The following UBE2Q2 variants were observed in gnomAD, a reference collection of about 807,000 sequenced individuals.
The protein encoded by UBE2Q2 is ubiquitin conjugating enzyme E2 Q2, also known as ubiquitin-conjugating enzyme E2 Q2.
UBE2Q2 carries 54 observed loss-of-function variants against 59.9 expected under a neutral mutation model. The ratio of observed to expected loss-of-function variants is 0.90; its 90% CI spans 0.72 to 1.13. The LOEUF (loss-of-function observed/expected upper bound fraction) is 1.13, where lower values mean the gene tolerates loss of function less well. Ranked by LOEUF, UBE2Q2 falls within the 50% of genes most tolerant of loss-of-function variation. The pLI is 0.00. For synonymous variants in UBE2Q2, 165 were observed against 155.2 expected (o/e 1.06, Z -0.47); for missense variants, 433 against 441.9 (o/e 0.98, Z 0.18).
chr15:75,851,428 T>G (rs867883537), intron 1 of UBE2Q2, among the ~76,000 whole-genome samples: 2 of 152,212 alleles, frequency 1.3e-5, no homozygotes, highest in African/African-American at 4.8e-5. Flanking sequence ...ATCTTCTAAA[T>G]GTTGATACAT....
chr15:75,856,679 C>G (rs1896935302), intron 2 of UBE2Q2, among the ~76,000 whole-genome samples: 2 of 152,186 alleles, frequency 1.3e-5, no homozygotes, highest in South Asian at 4.1e-4. Flanking sequence ...CATGATGGCT[C>G]ACGCCTGTAA....
intron 2 of UBE2Q2, 69 bp downstream of exon 2, chr15:75,854,556 A>C (rs1896806552): frequency 7.7e-6 from 7 of 905,840 alleles, no homozygotes; most frequent in Non-Finnish European, 1.0e-5. Flanking sequence ...AAATGTTAAG[A>C]GATAATATGA....
intron 8 of UBE2Q2, among the ~76,000 whole-genome samples, chr15:75,881,002 G>T (rs1229831491): frequency 1.3e-5 from 2 of 152,020 alleles, no homozygotes; most frequent in Admixed American, 1.3e-4. Flanking sequence ...TCTCACTTTT[G>T]TTATTATAGA....
At chr15:75,892,717 T>TA (rs1491119397) in intron 11 of UBE2Q2, among the ~76,000 whole-genome samples, 2 of 151,476 alleles carry the variant, frequency 1.3e-5, no homozygotes, top group Non-Finnish European at 2.9e-5. Flanking sequence ...CCCCCCACCC[T>TA]AAAAAAACAA....
intron 2 of UBE2Q2, among the ~76,000 whole-genome samples, chr15:75,858,689 A>G (rs750276402): frequency 4.0e-5 from 6 of 151,768 alleles, no homozygotes; most frequent in Non-Finnish European, 7.4e-5. Context: ...TCTCCCCAGC[A>G]CTCCTGGAGC....
chr15:75,843,929 C>T (rs1457713315), intron 1 of UBE2Q2, 83 bp downstream of exon 1: 28 of 1,429,438 alleles, frequency 2.0e-5, no homozygotes, highest in Non-Finnish European at 2.5e-5. Flanking sequence ...GGGGAGCCTG[C>T]CCCGGAGAGG....
chr15:75,854,515 C>G (rs1473488844), intron 2 of UBE2Q2, 28 bp downstream of exon 2: 1 of 1,434,744 alleles, frequency 7.0e-7, no homozygotes, highest in East Asian at 2.3e-5. Context: ...GCTATTTTCT[C>G]TTTTCCTCAT....
At chr15:75,892,628 G>A (rs1315920704) in intron 11 of UBE2Q2, among the ~76,000 whole-genome samples, 1 of 152,202 alleles carries the variant, frequency 6.6e-6, no homozygotes, top group African/African-American at 2.4e-5. Context: ...GGGAGGCCGA[G>A]GCAGGAGGAT....
intron 1 of UBE2Q2, chr15:75,844,378 G>A (rs1202694319): frequency 1.3e-6 from 2 of 1,551,288 alleles, no homozygotes; most frequent in East Asian, 2.4e-5. Context: ...GTTGACGGAG[G>A]AAAAGTTGGA....
chr15:75,862,870 G>T (rs1376980555), intron 3 of UBE2Q2, among the ~76,000 whole-genome samples: 2 of 150,638 alleles, frequency 1.3e-5, no homozygotes, highest in Non-Finnish European at 3.0e-5. Flanking sequence ...AGTTCTTTGT[G>T]GCCAAGACTG....
intron 6 of UBE2Q2, 76 bp from the exon 7 acceptor site, chr15:75,877,885 T>C: frequency 7.4e-7 from 1 of 1,352,434 alleles, no homozygotes; most frequent in Non-Finnish European, 1.0e-6. Flanking sequence ...GTTGGCTATT[T>C]AGTGTATACA....
intron 1 of UBE2Q2, among the ~76,000 whole-genome samples, chr15:75,847,587 C>T (rs1896419925): frequency 6.6e-6 from 1 of 152,086 alleles, no homozygotes; most frequent in South Asian, 2.1e-4. Flanking sequence ...ATAGTTTTTC[C>T]ATCTTCAGTA....
intron 4 of UBE2Q2, 152 bp downstream of exon 4, chr15:75,869,162 T>G: frequency 1.6e-6 from 1 of 637,124 alleles, no homozygotes; most frequent in Admixed American, 3.0e-5. Context: ...ACTCTGGCTT[T>G]ACCTCTAACT....
At chr15:75,857,718 C>T (rs1365412403) in intron 2 of UBE2Q2, among the ~76,000 whole-genome samples, 2 of 146,642 alleles carry the variant, frequency 1.4e-5, no homozygotes, top group Non-Finnish European at 3.0e-5. Context: ...AAATAAAAAT[C>T]ATAGTGTATA....
At position 75,843,617 on chromosome 15, in the gene UBE2Q2, T is replaced by C. The variant is rs1442685276; in HGVS notation, c.-50T>C. ...CGGCGGCTCCGGGCCCGGCTCCCCT[T>C]CCGCGCCCGGCTCCCCTTCCGCGCC... is the stretch of plus-strand genomic sequence containing the variant. On this transcript the variant is annotated 5_prime_UTR_variant, in exon 1 of 13. Coordinates refer to ENST00000267938, the MANE Select transcript of UBE2Q2 (RefSeq NM_173469.4). The C allele has an allele frequency of 6.7e-7, 1 of 1,499,074 alleles. No homozygotes were observed. The highest frequency in any genetic ancestry group is 8.9e-7 in the Non-Finnish European group (1 of 1,121,798). 92.9% of individuals were successfully genotyped at this position (1,499,074 alleles called of 1,614,324 possible).
At chr15:75,896,385 C>G (rs1899423760) in intron 11 of UBE2Q2, among the ~76,000 whole-genome samples, 1 of 152,100 alleles carries the variant, frequency 6.6e-6, no homozygotes, top group Non-Finnish European at 1.5e-5. Context: ...ATGGAGAGTG[C>G]TCCTGGTATA....
At chr15:75,874,484 A>G (rs889182239) in intron 5 of UBE2Q2, among the ~76,000 whole-genome samples, 5 of 151,378 alleles carry the variant, frequency 3.3e-5, no homozygotes, top group African/African-American at 9.8e-5. Context: ...GGGTTTCACC[A>G]TGTTGGCCAG....
At chr15:75,845,614 G>T (rs929142040) in intron 1 of UBE2Q2, among the ~76,000 whole-genome samples, 2 of 152,202 alleles carry the variant, frequency 1.3e-5, no homozygotes, top group East Asian at 3.8e-4. Flanking sequence ...TCCAGGATTA[G>T]AAATGGTTCT....
intron 4 of UBE2Q2, 37 bp downstream of exon 4, chr15:75,869,047 C>T (rs529367246): frequency 5.8e-6 from 9 of 1,556,860 alleles, no homozygotes; most frequent in Non-Finnish European, 7.0e-6. Context: ...TCATAAATTT[C>T]TTCATTTTTG....
Sources: gnomAD v4.1 joint callset for allele counts (sites outside exome capture counted in the v4.1 genomes callset) on GRCh38, gnomAD v4.1.1 for gene constraint, MANE v1.5 for transcripts, NCBI Gene and HGNC (gene_info 2026-07-23, HGNC 2026-07-21) for gene names.